The following ATG10 variants were observed in gnomAD, a reference collection of about 807,000 sequenced individuals.
ATG10 encodes ubiquitin-like-conjugating enzyme ATG10.
Under a neutral mutation model 32.1 loss-of-function variants are expected in ATG10, and 30 were observed. The ratio of observed to expected loss-of-function variants is 0.94; its 90% CI spans 0.70 to 1.27. ATG10 has a LOEUF of 1.27. Among genes scored for constraint, ATG10 ranks in the 50% most tolerant of loss-of-function variants. The pLI, the probability that ATG10 is intolerant of heterozygous loss-of-function variation, is 0.00. For synonymous variants in ATG10, 87 were observed against 91.5 expected (o/e 0.95, Z 0.28); for missense variants, 233 against 262.3 (o/e 0.89, Z 0.77).
intron 3 of ATG10, among the ~76,000 whole-genome samples, chr5:82,162,452 A>T (rs1309463826): frequency 6.6e-6 from 1 of 152,194 alleles, no homozygotes. Context: ...AAATTGATAC[A>T]GCCTTTTTCT....
intron 3 of ATG10, chr5:82,111,441 A>G (rs1451184639): frequency 6.6e-6 from 1 of 151,672 alleles, no homozygotes; most frequent in Non-Finnish European, 1.5e-5. Flanking sequence ...TATCTTCAGA[A>G]CTCTGCAGAT....
chr5:81,981,214 T>A (rs1317172313), intron 1 of ATG10, among the ~76,000 whole-genome samples: 2 of 152,222 alleles, frequency 1.3e-5, no homozygotes, highest in Non-Finnish European at 2.9e-5. Context: ...TCAAAGTGAT[T>A]CATCTTTTGT....
intron 5 of ATG10, 122 bp from the exon 6 acceptor site, chr5:82,252,440 A>C: frequency 1.5e-6 from 1 of 671,888 alleles, no homozygotes; most frequent in East Asian, 2.8e-5. Context: ...ATAAACCTGT[A>C]TATTAATTCA....
At chr5:82,149,851 C>T (rs1767520465) in intron 3 of ATG10, among the ~76,000 whole-genome samples, 2 of 152,138 alleles carry the variant, frequency 1.3e-5, no homozygotes, top group African/African-American at 2.4e-5. Context: ...ATGATTTGCT[C>T]TGGAAAGGCC....
chr5:82,165,682 A>G (rs930624665), intron 4 of ATG10, among the ~76,000 whole-genome samples: 1 of 152,220 alleles, frequency 6.6e-6, no homozygotes, highest in Non-Finnish European at 1.5e-5. Context: ...TATAATTATT[A>G]CAAGCCTTTA....
intron 5 of ATG10, among the ~76,000 whole-genome samples, chr5:82,250,633 CATGTTACCCTGTT>C (rs1747218460): frequency 6.6e-6 from 1 of 152,164 alleles, no homozygotes; most frequent in Non-Finnish European, 1.5e-5. Flanking sequence ...CCTCCAGAAT[CATGTTACCCTGTT>C]GTGTTTCCTT....
At chr5:82,033,990 T>C (rs1762828411) in intron 2 of ATG10, among the ~76,000 whole-genome samples, 1 of 147,524 alleles carries the variant, frequency 6.8e-6, no homozygotes, top group South Asian at 2.1e-4. Flanking sequence ...TACATGTATA[T>C]AGTATATATG....
At chr5:82,105,541 T>C (rs1167418373) in intron 3 of ATG10, among the ~76,000 whole-genome samples, 1 of 152,186 alleles carries the variant, frequency 6.6e-6, no homozygotes, top group Non-Finnish European at 1.5e-5. Context: ...GACATATTCA[T>C]GAATTGAAAT....
chr5:82,012,960 C>A (rs780986634), intron 2 of ATG10, among the ~76,000 whole-genome samples: 8 of 150,180 alleles, frequency 5.3e-5, no homozygotes, highest in Middle Eastern at 3.2e-3. Flanking sequence ...ATCATTCTTT[C>A]ATTCTTTTTT....
chr5:82,157,073 T>TC (rs778829307), intron 3 of ATG10, among the ~76,000 whole-genome samples: 41 of 152,224 alleles, frequency 2.7e-4, no homozygotes, highest in East Asian at 2.3e-3. Flanking sequence ...GGTTTCTGCA[T>TC]CCCCTCCCTC....
At chr5:82,179,263 C>T (rs920025718) in intron 5 of ATG10, among the ~76,000 whole-genome samples, 2 of 152,092 alleles carry the variant, frequency 1.3e-5, no homozygotes, top group East Asian at 1.9e-4. Flanking sequence ...TGTGAGCTCT[C>T]ATATAGGCAG....
At chr5:82,199,691 T>G (rs2149960174) in intron 5 of ATG10, among the ~76,000 whole-genome samples, 1 of 152,310 alleles carries the variant, frequency 6.6e-6, no homozygotes, top group South Asian at 2.1e-4. Flanking sequence ...AAAGTTTACC[T>G]TTTTTGGCAG....
intron 2 of ATG10, among the ~76,000 whole-genome samples, chr5:82,002,442 A>G (rs754412994): frequency 1.3e-5 from 2 of 152,204 alleles, no homozygotes; most frequent in African/African-American, 4.8e-5. Flanking sequence ...CACATACACT[A>G]TGGAATACTT....
At chr5:81,986,163 C>T (rs768946808) in intron 1 of ATG10, among the ~76,000 whole-genome samples, 1 of 152,116 alleles carries the variant, frequency 6.6e-6, no homozygotes, top group Non-Finnish European at 1.5e-5. Flanking sequence ...CCGCCTCAGC[C>T]TCCCAAAGTG....
At chr5:82,146,690 C>G (rs1373353602) in intron 3 of ATG10, among the ~76,000 whole-genome samples, 1 of 151,028 alleles carries the variant, frequency 6.6e-6, no homozygotes, top group African/African-American at 2.4e-5. Flanking sequence ...TCAGTCATCT[C>G]CAGTTTGTTA....
At chr5:82,006,437 G>A (rs1761987244) in intron 2 of ATG10, among the ~76,000 whole-genome samples, 1 of 152,142 alleles carries the variant, frequency 6.6e-6, no homozygotes, top group Non-Finnish European at 1.5e-5. Context: ...CAGAGATGGT[G>A]TTTCAAAGCA....
At chr5:81,989,847 C>T (rs1761405745) in intron 2 of ATG10, among the ~76,000 whole-genome samples, 2 of 152,172 alleles carry the variant, frequency 1.3e-5, no homozygotes, top group African/African-American at 4.8e-5. Context: ...GCCTCGGCCT[C>T]CCAAAGTGCT....
intron 2 of ATG10, chr5:82,010,001 CTT>C: frequency 1.2e-6 from 2 of 1,610,448 alleles, no homozygotes; most frequent in Non-Finnish European, 8.5e-7. Context: ...TTTCTGCTGT[CTT>C]TGGGACCTTG....
At chr5:82,227,526 C>CACCATAACTAGCTAATTTTTGTAT (rs1474201213) in intron 5 of ATG10, among the ~76,000 whole-genome samples, 1 of 152,056 alleles carries the variant, frequency 6.6e-6, no homozygotes, top group Non-Finnish European at 1.5e-5. Flanking sequence ...AGGCGCCTGC[C>CACCATAACTAGCTAATTTTTGTAT]ACCATAACTA....
Sources: gnomAD v4.1 joint callset for allele counts (sites outside exome capture counted in the v4.1 genomes callset) on GRCh38, gnomAD v4.1.1 for gene constraint, MANE v1.5 for transcripts, NCBI Gene and HGNC (gene_info 2026-07-23, HGNC 2026-07-21) for gene names.